DEK: variants seen among roughly 807,000 people sequenced by gnomAD.
DEK encodes the protein protein DEK.
Under a neutral mutation model 46.8 loss-of-function variants are expected in DEK, and 28 were observed. The observed-to-expected ratio is 0.60, with a 90% CI of 0.44 to 0.82. The LOEUF is 0.82. Among genes scored for constraint, DEK ranks in the 40% least tolerant of loss-of-function variants. The pLI is 0.00. For synonymous variants in DEK, 160 were observed against 144.5 expected, an observed-to-expected ratio of 1.11 and a Z score of -0.77; for missense variants, 416 against 430.6, an observed-to-expected ratio of 0.97 and a Z score of 0.30.
chr6:18,260,122 G>C (rs1297807504), intron 2 of DEK, among the ~76,000 whole-genome samples: 1 of 152,106 alleles, frequency 6.6e-6, no homozygotes, highest in Non-Finnish European at 1.5e-5. Flanking sequence ...GGATGCTCAA[G>C]TCCCTTATTT....
intron 7 of DEK, among the ~76,000 whole-genome samples, chr6:18,246,806 G>A (rs566434100): frequency 6.6e-6 from 1 of 152,218 alleles, no homozygotes; most frequent in East Asian, 1.9e-4. Context: ...AGAGGAAACT[G>A]AACAAAGTAA....
rs775504720 is a variant in DEK, at chr6:18,237,433, A to T, written c.846T>A (p.Val282=). ...KSKKSVKSAN[V]KKADSSTTKK... ...TGGTGGTGCTGCTATCTGCTTTCTT[A>T]ACATTGGCACTTTTCACAGATTTTT... Residue 282 remains valine (V), a synonymous_variant, in exon 8 of 11, where the codon GTT becomes GTA. Coordinates refer to ENST00000652689, the MANE Select transcript of DEK (RefSeq NM_003472.4). 2 of 1,611,028 alleles carry T rather than the reference A, an allele frequency of 1.2e-6. No homozygotes were observed. The highest frequency in any genetic ancestry group is 1.1e-5 in the South Asian group (1 of 90,594).
In DEK at chr6:18,251,273, T is replaced by G. The variant is rs1482952303; in HGVS notation, c.574-1434A>C. Reference sequence around the variant, plus strand: ...TAAGGTAAAATTCCATAACATAACCTTAAGGTATCCAATTGTGTAAATGTT... The same window carrying G: ...TAAGGTAAAATTCCATAACATAACCGTAAGGTATCCAATTGTGTAAATGTT... On this transcript the variant is annotated intron_variant, in intron 6 of 10. Transcript: ENST00000652689. 5.3e-5 allele frequency among the ~76,000 whole-genome samples: 8 copies of G among 152,236 alleles called. No homozygotes were observed. In the East Asian group the frequency reaches 1.5e-3, roughly 29 times the overall value.
chr6:18,229,008 G>A (rs756241809), intron 9 of DEK, among the ~76,000 whole-genome samples: 2 of 152,216 alleles, frequency 1.3e-5, no homozygotes, highest in Non-Finnish European at 2.9e-5. Context: ...CCCAGTAGGA[G>A]CTGACTGACA....
chr6:18,234,438 C>A (rs1398498181), intron 9 of DEK, among the ~76,000 whole-genome samples: 1 of 152,104 alleles, frequency 6.6e-6, no homozygotes, highest in Non-Finnish European at 1.5e-5. Flanking sequence ...TATGGTTAAG[C>A]CCAGACTACA....
intron 9 of DEK, among the ~76,000 whole-genome samples, chr6:18,228,052 C>T (rs148925813): frequency 3.0e-3 from 463 of 152,240 alleles, no homozygotes; most frequent in Non-Finnish European, 5.4e-3. Context: ...TGACTCAGGT[C>T]CTGACTCTAT....
intron 6 of DEK, among the ~76,000 whole-genome samples, chr6:18,255,047 G>C (rs984193882): frequency 4.6e-5 from 7 of 152,112 alleles, no homozygotes; most frequent in South Asian, 4.1e-4. Context: ...CTGTCAAGAT[G>C]GGGAAGAATA....
rs566685101 is a variant in DEK at position 18,251,488 on chromosome 6, G to A, written c.574-1649C>T. Among the ~76,000 whole-genome samples the A allele has an allele frequency of 2.6e-5, 4 of 152,198 alleles. 1 individual carries two copies. The highest frequency in any genetic ancestry group is 9.6e-5 in the African/African-American group (4 of 41,508). On this transcript the variant is annotated intron_variant, in intron 6 of 10. Coordinates refer to ENST00000652689, the MANE Select transcript of DEK (RefSeq NM_003472.4). ...GGATAACCTAGATTGCTCCAACAAC[G>A]TACCCTTCTAAAGGCACACTAGGAA...
chr6:18,247,763 C>A (rs1199665293), intron 7 of DEK, among the ~76,000 whole-genome samples: 2 of 152,034 alleles, frequency 1.3e-5, no homozygotes, highest in Non-Finnish European at 2.9e-5. Context: ...CCTCTGCCTC[C>A]CCGGTTCAAG....
At chr6:18,231,409 A>C (rs879711586) in intron 9 of DEK, among the ~76,000 whole-genome samples, 12 of 152,120 alleles carry the variant, frequency 7.9e-5, no homozygotes, top group Non-Finnish European at 8.8e-5. Flanking sequence ...AAAAACCTTC[A>C]AAAAAAGCAA....
chr6:18,254,869 A>C (rs1791537331), intron 6 of DEK, among the ~76,000 whole-genome samples: 1 of 151,942 alleles, frequency 6.6e-6, no homozygotes, highest in Non-Finnish European at 1.5e-5. Context: ...AAAAGTTTAC[A>C]CTTTAACTGC....
At chr6:18,244,477 G>A in intron 7 of DEK, 1 of 1,198,976 alleles carries the variant, frequency 8.3e-7, no homozygotes. Context: ...TTGAAGGAAG[G>A]CAAAAAAAAT....
In DEK at chr6:18,263,769, A is replaced by T; in HGVS notation, c.145+74T>A. On this transcript the variant is annotated intron_variant, in intron 2 of 10. Transcript: ENST00000652689. ...CTCTAAACACCAAAAGAGCAAGAAA[A>T]CTGTTTCCTGGGTGAAAAATACAAA... 3.1e-6 allele frequency: 5 copies of T among 1,609,748 alleles called. No homozygotes were observed. In the South Asian group the frequency reaches 5.5e-5, roughly 18 times the overall value.
chr6:18,252,509 CAAAA>C (rs61626818), intron 6 of DEK, among the ~76,000 whole-genome samples: 5 of 29,144 alleles, frequency 1.7e-4, no homozygotes, highest in South Asian at 2.0e-3. Flanking sequence ...ACGCTGTCTC[CAAAA>C]AAAAAAAAAA....
At chr6:18,237,214 A>G in intron 8 of DEK, 167 bp downstream of exon 8, 1 of 723,378 alleles carries the variant, frequency 1.4e-6, no homozygotes, top group Non-Finnish European at 2.0e-6. Context: ...AATCTGAATC[A>G]CTTCCTGTCC....
intron 2 of DEK, among the ~76,000 whole-genome samples, chr6:18,262,989 C>T (rs1351878125): frequency 1.3e-5 from 2 of 151,862 alleles, no homozygotes; most frequent in Non-Finnish European, 2.9e-5. Flanking sequence ...GTGGCTGAGT[C>T]GTAAACATAT....
intron 9 of DEK, among the ~76,000 whole-genome samples, chr6:18,232,979 T>C (rs1790475366): frequency 6.6e-6 from 1 of 152,184 alleles, no homozygotes; most frequent in African/African-American, 2.4e-5. Context: ...CAAAACAGCA[T>C]GGTACTGGTA....
intron 5 of DEK, 117 bp downstream of exon 5, chr6:18,256,244 C>T (rs547351380): frequency 3.5e-6 from 3 of 866,704 alleles, no homozygotes; most frequent in African/African-American, 1.7e-5. Flanking sequence ...GCCTCAGCCT[C>T]CCAAAGTGCT....
At chr6:18,263,572 G>A (rs1274216304) in intron 2 of DEK, among the ~76,000 whole-genome samples, 1 of 151,972 alleles carries the variant, frequency 6.6e-6, no homozygotes, top group African/African-American at 2.4e-5. Context: ...ATGATGAAAT[G>A]TTAACGAACG....
Sources: gnomAD v4.1 joint callset for allele counts (sites outside exome capture counted in the v4.1 genomes callset) on GRCh38, gnomAD v4.1.1 for gene constraint, MANE v1.5 for transcripts, NCBI Gene and HGNC (gene_info 2026-07-23, HGNC 2026-07-21) for gene names.